ATP8A1: variants seen among roughly 807,000 people sequenced by gnomAD.
ATP8A1 encodes the protein ATPase phospholipid transporting 8A1.
In ATP8A1, 90 loss-of-function variants were observed where a neutral mutation model predicts 177.7. That is an observed-to-expected ratio of 0.51 (90% CI 0.43 to 0.60). The LOEUF is 0.60. Among genes scored for constraint, ATP8A1 ranks in the 20% least tolerant of loss-of-function variants. The pLI is 0.00. For synonymous variants in ATP8A1, 493 were observed against 485.9 expected, an observed-to-expected ratio of 1.01 and a Z score of -0.19; for missense variants, 1,072 against 1,392.8, an observed-to-expected ratio of 0.77 and a Z score of 3.67.
intron 14 of ATP8A1, among the ~76,000 whole-genome samples, chr4:42,571,859 T>G (rs1731939514): frequency 6.6e-6 from 1 of 152,216 alleles, no homozygotes. Context: ...GAATCCAATT[T>G]GGGGCGAAGG....
Position 42,657,041 on chromosome 4 carries a change from A to T in ATP8A1, c.-168T>A. The T allele has an allele frequency of 1.7e-6, 1 of 596,544 alleles. No homozygotes were observed. Among genetic ancestry groups the T allele is most frequent in the Non-Finnish European group, 2.4e-6 (1 of 408,244 alleles). 37.0% of individuals were successfully genotyped at this position (596,544 alleles called of 1,614,324 possible). On this transcript the variant is annotated 5_prime_UTR_variant, in exon 1 of 37. Coordinates refer to ENST00000381668, the MANE Select transcript of ATP8A1 (RefSeq NM_006095.2). The stretch of plus-strand genomic sequence containing the variant: ...CCGGGCGCGGCCCCCGCACGCCGAC[A>T]GGAGGAGGAGAAAGGCAGCGGTGGC...
chr4:42,419,708 A>C (rs138413979), intron 35 of ATP8A1, among the ~76,000 whole-genome samples: 1 of 152,314 alleles, frequency 6.6e-6, no homozygotes, highest in East Asian at 1.9e-4. Flanking sequence ...TAGATATAAA[A>C]TTTGCTAAGT....
chr4:42,481,364 T>C (rs914288024), intron 25 of ATP8A1, among the ~76,000 whole-genome samples: 2 of 152,202 alleles, frequency 1.3e-5, no homozygotes, highest in Non-Finnish European at 2.9e-5. Context: ...CTGGTCCACT[T>C]TTATTTGCTT....
chr4:42,579,992 C>T lies in ATP8A1; in HGVS notation c.835-14G>A, dbSNP rs868051253. 57 of 1,573,260 alleles carry T rather than the reference C, an allele frequency of 3.6e-5. No homozygotes were observed. Among genetic ancestry groups the T allele is most frequent in the Middle Eastern group, 3.3e-4 (2 of 5,992 alleles). On this transcript the variant is annotated splice_polypyrimidine_tract_variant and intron_variant, in intron 10 of 36. Transcript: ENST00000381668. ...ACTTGTTGAATTCTGTAAAAAGAAACAAGATGAGTAATAAAAAATGTACAC... is the reference window on the plus strand; with the variant it reads ...ACTTGTTGAATTCTGTAAAAAGAAATAAGATGAGTAATAAAAAATGTACAC...
Position 42,651,735 on chromosome 4 carries a change from A to G in ATP8A1, c.49+5090T>C, listed in dbSNP as rs545029855. 9.2e-5 allele frequency among the ~76,000 whole-genome samples: 14 copies of G among 152,360 alleles called. No homozygotes were observed. In the South Asian group the frequency reaches 2.7e-3, roughly 29 times the overall value. On this transcript the variant is annotated intron_variant, in intron 1 of 36. Transcript: ENST00000381668. ...TGTACATGATGGCTGGCACCCCAGC[A>G]ACCATGCTGTGACTTTATGGAAGAC...
chr4:42,541,085 C>A (rs766890502), intron 20 of ATP8A1, among the ~76,000 whole-genome samples: 19 of 152,186 alleles, frequency 1.2e-4, no homozygotes, highest in East Asian at 1.2e-3. Context: ...ATGATCACAT[C>A]ACTGCCCTCC....
At chr4:42,422,959 C>T (rs1714161995) in intron 34 of ATP8A1, 60 bp from the exon 35 acceptor site, 1 of 1,346,864 alleles carries the variant, frequency 7.4e-7, no homozygotes, top group Non-Finnish European at 1.0e-6. Context: ...TTTTACAAAA[C>T]TAGATGTCTG....
chr4:42,544,522 T>G (rs760590251), intron 19 of ATP8A1, among the ~76,000 whole-genome samples: 65 of 152,184 alleles, frequency 4.3e-4, no homozygotes, highest in Non-Finnish European at 7.8e-4. Flanking sequence ...AAAACTTAAT[T>G]TATGCAGCAA....
chr4:42,522,227 TGATAGACTGCTCGCC>T lies in ATP8A1; in HGVS notation c.1865_1879del (p.Trp622_Gln627delinsTer). The T allele has an allele frequency of 1.9e-6, 3 of 1,613,826 alleles. No individual in the cohort carries two copies. The highest frequency in any genetic ancestry group is 2.5e-6 in the Non-Finnish European group (3 of 1,179,910). On this transcript the variant is annotated stop_gained and inframe_deletion, in exon 22 of 37. Coordinates refer to ENST00000381668, the MANE Select transcript of ATP8A1 (RefSeq NM_006095.2). LOFTEE classifies it high-confidence loss of function. The stretch of plus-strand genomic sequence containing the variant: ...GTTCTGCACAGATGTAGATGCTCGC[TGATAGACTGCTCGCC>T]ACTCCTGAAAGTCGCTCTCTGAAAT...
intron 1 of ATP8A1, among the ~76,000 whole-genome samples, chr4:42,653,588 C>A (rs1175638637): frequency 6.6e-6 from 1 of 152,234 alleles, no homozygotes; most frequent in African/African-American, 2.4e-5. Flanking sequence ...ACCTTTTCCT[C>A]CAAACCAGCC....
intron 33 of ATP8A1, among the ~76,000 whole-genome samples, chr4:42,439,246 T>G (rs965999269): frequency 9.9e-5 from 15 of 152,108 alleles, no homozygotes; most frequent in Admixed American, 4.6e-4. Context: ...TCTTAGGAAT[T>G]GGAAGACAAA....
intron 5 of ATP8A1, among the ~76,000 whole-genome samples, chr4:42,604,106 C>T (rs1383474555): frequency 6.6e-6 from 1 of 152,006 alleles, no homozygotes; most frequent in Non-Finnish European, 1.5e-5. Flanking sequence ...ATCCTTTGCA[C>T]ATGTTTCCAT....
At chr4:42,427,834 T>C (rs1024595629) in intron 33 of ATP8A1, among the ~76,000 whole-genome samples, 1 of 152,238 alleles carries the variant, frequency 6.6e-6, no homozygotes, top group Non-Finnish European at 1.5e-5. Context: ...AGCACCCTAC[T>C]GAATAGTTTT....
chr4:42,644,333 C>T (rs895286470), intron 1 of ATP8A1, among the ~76,000 whole-genome samples: 2 of 152,120 alleles, frequency 1.3e-5, no homozygotes, highest in Non-Finnish European at 2.9e-5. Context: ...TGGAAGTCAA[C>T]AAAAGGCCAA....
chr4:42,607,792 C>T (rs1407906076), intron 5 of ATP8A1, among the ~76,000 whole-genome samples: 1 of 152,060 alleles, frequency 6.6e-6, no homozygotes, highest in Non-Finnish European at 1.5e-5. Flanking sequence ...TGTGTTCCTC[C>T]CTACCTTCAT....
intron 7 of ATP8A1, among the ~76,000 whole-genome samples, chr4:42,590,018 T>C (rs1467491451): frequency 2.0e-5 from 3 of 152,130 alleles, no homozygotes; most frequent in Admixed American, 6.6e-5. Context: ...CAATTCTTAA[T>C]AGTGCTGTGA....
At chr4:42,616,161 T>C in intron 4 of ATP8A1, 83 bp from the exon 5 acceptor site, 2 of 1,172,924 alleles carry the variant, frequency 1.7e-6, no homozygotes, top group Non-Finnish European at 2.5e-6. Flanking sequence ...CAAAAAAGAT[T>C]TAGCTTATGT....
chr4:42,566,073 C>T (rs937781037), intron 15 of ATP8A1, among the ~76,000 whole-genome samples: 1 of 152,094 alleles, frequency 6.6e-6, no homozygotes, highest in African/African-American at 2.4e-5. Flanking sequence ...ATTAATACAC[C>T]TAAGCGAGTA....
intron 6 of ATP8A1, among the ~76,000 whole-genome samples, chr4:42,591,216 T>C (rs1734139623): frequency 6.6e-6 from 1 of 152,058 alleles, no homozygotes; most frequent in Non-Finnish European, 1.5e-5. Flanking sequence ...TAGATTTTTC[T>C]TTCTCAAATT....
Sources: allele counts gnomAD v4.1 joint callset (sites outside exome capture counted in the v4.1 genomes callset), GRCh38; gene constraint gnomAD v4.1.1; transcripts MANE v1.5; gene names NCBI Gene and HGNC (gene_info 2026-07-23, HGNC 2026-07-21).